Variants in ZCCHC17 observed in about 807,000 individuals in gnomAD.
The protein encoded by ZCCHC17 is zinc finger CCHC domain-containing protein 17.
ZCCHC17 carries 18 observed loss-of-function variants against 30.6 expected under a neutral mutation model. The ratio of observed to expected loss-of-function variants is 0.59; its 90% CI spans 0.41 to 0.87. ZCCHC17 has a LOEUF of 0.87. ZCCHC17 is among the 40% of genes least tolerant of loss of function. ZCCHC17 has a pLI of 0.00. For synonymous variants in ZCCHC17, 88 were observed against 92.4 expected (o/e 0.95, Z 0.27); for missense variants, 263 against 284.2 (o/e 0.93, Z 0.54).
intron 2 of ZCCHC17, among the ~76,000 whole-genome samples, chr1:31,312,917 C>T (rs1376701965): frequency 4.0e-5 from 6 of 151,842 alleles, no homozygotes; most frequent in South Asian, 2.1e-4. Flanking sequence ...GGATTACAGG[C>T]GCCCACCACC....
chr1:31,346,973 C>A (rs2148467292), intron 6 of ZCCHC17, among the ~76,000 whole-genome samples: 1 of 152,290 alleles, frequency 6.6e-6, no homozygotes, highest in East Asian at 1.9e-4. Flanking sequence ...ACTCCTCCCA[C>A]CCCACCCACA....
chr1:31,298,397 T>A (rs1480882061), intron 1 of ZCCHC17, among the ~76,000 whole-genome samples: 1 of 152,008 alleles, frequency 6.6e-6, no homozygotes, highest in South Asian at 2.1e-4. Context: ...GTTTTTTTTT[T>A]TTTTTTGAGA....
rs543121860 is a variant in ZCCHC17 at position 31,364,821 on chromosome 1, C to G, written c.*628C>G. ...CATTCCAGCAGACCACTGAACCAGA[C>G]AGCGAAGCCAAGATCATTGTTCTAC... On this transcript the variant is annotated 3_prime_UTR_variant, in exon 8 of 8. Coordinates refer to ENST00000344147, the MANE Select transcript of ZCCHC17 (RefSeq NM_016505.4). 3.3e-5 allele frequency: 5 copies of G among 152,454 alleles called. No individual in the cohort carries two copies. The South Asian group carries it at 1.0e-3, about 32-fold the overall frequency. 9.4% of individuals were successfully genotyped at this position (152,454 alleles called of 1,614,324 possible).
chr1:31,309,830 GC>G (rs1557427397), intron 1 of ZCCHC17, among the ~76,000 whole-genome samples: 1 of 151,224 alleles, frequency 6.6e-6, no homozygotes, highest in Non-Finnish European at 1.5e-5. Flanking sequence ...AAAATTAGTA[GC>G]CTAATGGCCT....
At chr1:31,328,586 A>T (rs1017674393) in intron 3 of ZCCHC17, among the ~76,000 whole-genome samples, 3 of 152,134 alleles carry the variant, frequency 2.0e-5, no homozygotes, top group African/African-American at 7.2e-5. Flanking sequence ...TATGTATAGG[A>T]TTCAGTACTA....
chr1:31,319,445 A>G (rs1356626805), intron 3 of ZCCHC17, among the ~76,000 whole-genome samples: 1 of 152,100 alleles, frequency 6.6e-6, no homozygotes, highest in African/African-American at 2.4e-5. Context: ...AAATCACTTG[A>G]CTTCTTTAGA....
rs189721623 is a variant in ZCCHC17, at chr1:31,328,959, C to T, written c.125-8216C>T. Among the ~76,000 whole-genome samples, 22 of 152,108 alleles carry T rather than the reference C, an allele frequency of 1.4e-4. No homozygotes were observed. The East Asian group carries it at 3.9e-3, about 27-fold the overall frequency. On this transcript the variant is annotated intron_variant, in intron 3 of 7. Transcript: ENST00000344147. ...AGACAGGGGGATCAGTTGAGCCGTC[C>T]AGGAGTTTGAGTCCAGCCTGGGCAA...
intron 3 of ZCCHC17, among the ~76,000 whole-genome samples, chr1:31,334,302 C>CAT (rs1479227756): frequency 0.011 from 489 of 43,440 alleles, 1 homozygote; most frequent in Non-Finnish European, 0.02. Flanking sequence ...CATCCATGTG[C>CAT]ATCTCTCTCT....
At chr1:31,313,768 G>C (rs933648784) in intron 2 of ZCCHC17, among the ~76,000 whole-genome samples, 7 of 152,108 alleles carry the variant, frequency 4.6e-5, no homozygotes, top group African/African-American at 1.7e-4. Context: ...CTGCCCAAAA[G>C]AAAGGGAAGA....
intron 3 of ZCCHC17, among the ~76,000 whole-genome samples, chr1:31,327,835 AG>A (rs1638419304): frequency 6.6e-6 from 1 of 152,154 alleles, no homozygotes; most frequent in Admixed American, 6.5e-5. Flanking sequence ...GGACCCCTAG[AG>A]GGGGGACTGA....
chr1:31,316,869 C>A (rs1420798184), intron 2 of ZCCHC17, among the ~76,000 whole-genome samples: 1 of 152,100 alleles, frequency 6.6e-6, no homozygotes, highest in Non-Finnish European at 1.5e-5. Context: ...AGAGTTAATT[C>A]AAGTGCTCCA....
chr1:31,345,302 G>A lies in ZCCHC17; in HGVS notation c.318-1338G>A, dbSNP rs369199622. Reference sequence around the variant, plus strand: ...CTCCCAAGTTGCTGGGACTACAGGCGCCCGCCACCTCGCCCGGCTAATTTT... The same window carrying A: ...CTCCCAAGTTGCTGGGACTACAGGCACCCGCCACCTCGCCCGGCTAATTTT... On this transcript the variant is annotated intron_variant, in intron 5 of 7. Coordinates refer to ENST00000344147, the MANE Select transcript of ZCCHC17 (RefSeq NM_016505.4). Among the ~76,000 whole-genome samples the A allele has an allele frequency of 2.6e-4, 40 of 151,168 alleles. No individual in the cohort carries two copies. In the South Asian group the frequency reaches 7.9e-3, roughly 30 times the overall value.
At chr1:31,310,671 T>C (rs564331938) in intron 2 of ZCCHC17, among the ~76,000 whole-genome samples, 69 of 152,346 alleles carry the variant, frequency 4.5e-4, no homozygotes, top group Admixed American at 7.8e-4. Flanking sequence ...TCTTGGACTT[T>C]CCAACCTCCA....
At chr1:31,350,926 G>A (rs1639448391) in intron 7 of ZCCHC17, among the ~76,000 whole-genome samples, 1 of 152,176 alleles carries the variant, frequency 6.6e-6, no homozygotes, top group African/African-American at 2.4e-5. Flanking sequence ...CATTTTCGAA[G>A]TGGGATTGTT....
At chr1:31,356,713 C>G (rs1214315627) in intron 7 of ZCCHC17, among the ~76,000 whole-genome samples, 1 of 152,158 alleles carries the variant, frequency 6.6e-6, no homozygotes, top group Admixed American at 6.5e-5. Flanking sequence ...TGAGCCTTCC[C>G]ACGTCTTTTC....
At chr1:31,325,752 C>T (rs970835716) in intron 3 of ZCCHC17, among the ~76,000 whole-genome samples, 2 of 152,364 alleles carry the variant, frequency 1.3e-5, no homozygotes, top group East Asian at 3.9e-4. Flanking sequence ...ATGCAGCCTG[C>T]CAGGCCAAGT....
At chr1:31,353,207 T>C (rs1322812922) in intron 7 of ZCCHC17, among the ~76,000 whole-genome samples, 2 of 152,242 alleles carry the variant, frequency 1.3e-5, no homozygotes, top group Non-Finnish European at 2.9e-5. Context: ...TTGCCTATTT[T>C]GCATAAGCTT....
intron 3 of ZCCHC17, among the ~76,000 whole-genome samples, chr1:31,332,495 G>C: frequency 6.6e-6 from 1 of 151,842 alleles, no homozygotes; most frequent in East Asian, 1.9e-4. Flanking sequence ...ATTTCATAGT[G>C]TATATATTAT....
At chr1:31,303,120 T>C (rs1210988627) in intron 1 of ZCCHC17, among the ~76,000 whole-genome samples, 5 of 135,176 alleles carry the variant, frequency 3.7e-5, no homozygotes, top group Non-Finnish European at 7.8e-5. Flanking sequence ...CTACCCCCCC[T>C]CAAAAAAAAA....
Sources: allele counts gnomAD v4.1 joint callset (sites outside exome capture counted in the v4.1 genomes callset), GRCh38; gene constraint gnomAD v4.1.1; transcripts MANE v1.5; gene names NCBI Gene and HGNC (gene_info 2026-07-23, HGNC 2026-07-21).